CCAR1: variants seen among roughly 807,000 people sequenced by gnomAD.
CCAR1 encodes the protein cell division cycle and apoptosis regulator 1.
CCAR1 carries 78 observed loss-of-function variants against 163.8 expected under a neutral mutation model. The ratio of observed to expected loss-of-function variants is 0.48; its 90% confidence interval spans 0.40 to 0.57. The LOEUF (loss-of-function observed/expected upper bound fraction) is 0.57, where lower values mean the gene tolerates loss of function less well. Ranked by LOEUF, CCAR1 falls within the 20% of genes least tolerant of loss-of-function variation. CCAR1 has a pLI of 0.00. For synonymous variants in CCAR1, 443 were observed against 460.7 expected (o/e 0.96, Z 0.49); for missense variants, 1,019 against 1,365.2 (o/e 0.75, Z 4.00).
chr10:68,729,702 TAA>T (rs3998848), intron 2 of CCAR1, among the ~76,000 whole-genome samples: 4,479 of 144,594 alleles, frequency 0.031, 83 homozygotes, highest in Admixed American at 0.068. Context: ...AACTCCGTCT[TAA>T]AAAAAAAAAA....
At chr10:68,761,973 GT>G (rs1257262003) in intron 16 of CCAR1, among the ~76,000 whole-genome samples, 2 of 152,130 alleles carry the variant, frequency 1.3e-5, no homozygotes, top group African/African-American at 2.4e-5. Flanking sequence ...AGTTCTGTGA[GT>G]TTTTACAAAT....
In CCAR1 at chr10:68,761,205, T is replaced by G. The variant is rs2056465551; in HGVS notation, c.2106+13T>G. The G allele has an allele frequency of 1.3e-6, 2 of 1,521,902 alleles. No individual in the cohort carries two copies. Among genetic ancestry groups the G allele is most frequent in the African/African-American group, 2.8e-5 (2 of 71,606 alleles). 94.3% of individuals were successfully genotyped at this position (1,521,902 alleles called of 1,614,324 possible). A position where few individuals can be genotyped will look rare whatever the true frequency, so the allele number is the denominator to read the frequency against. On this transcript the variant is annotated intron_variant, in intron 16 of 24. Coordinates refer to ENST00000265872, the MANE Select transcript of CCAR1 (RefSeq NM_018237.4). The stretch of plus-strand genomic sequence containing the variant: ...AGACGATAAAGAGGTATGTACTCAA[T>G]CTATTATTATACTCTATGGTATTAA...
At position 68,771,409 on chromosome 10, in the gene CCAR1, T is replaced by A. The variant is rs1564547651; in HGVS notation, c.2502T>A (p.Asp834Glu). The change falls in exon 18 of 25, where the codon GAT (aspartate) becomes GAA (glutamate). Residue 834 changes from aspartate to glutamate, a missense_variant. This residue lies in a region of CCAR1 where 358 missense variants were observed against 406.4 expected (regional missense o/e 0.88). Coordinates refer to ENST00000265872, the MANE Select transcript of CCAR1 (RefSeq NM_018237.4). ...EPKPKRRKSG[D>E]DKDKKEDRDE... ...AACCCAAACGGAGAAAATCAGGCGA[T>A]GATAAAGATAAAAAAGAAGATAGAG... 6.3e-7 allele frequency: 1 copy of A among 1,585,228 alleles called. No individual in the cohort carries two copies. The highest frequency in any genetic ancestry group is 1.2e-5 in the South Asian group (1 of 84,800).
chr10:68,748,646 C>T (rs961332563), intron 8 of CCAR1, among the ~76,000 whole-genome samples: 6 of 151,756 alleles, frequency 4.0e-5, no homozygotes, highest in South Asian at 2.1e-4. Context: ...CGCGCCACCC[C>T]GCCAGCCTAA....
chr10:68,781,891 G>C (rs1249358293), intron 19 of CCAR1, among the ~76,000 whole-genome samples: 2 of 152,040 alleles, frequency 1.3e-5, no homozygotes, highest in Non-Finnish European at 2.9e-5. Context: ...ACCCAAAATG[G>C]CCTTGGAGTG....
rs368132401 is a variant in CCAR1, at chr10:68,742,187, A to T, written c.325-189A>T. Among the ~76,000 whole-genome samples the T allele has an allele frequency of 2.2e-4, 34 of 152,346 alleles. 1 individual carries two copies. Among genetic ancestry groups the T allele is most frequent in the Middle Eastern group, 3.4e-3 (1 of 294 alleles). On this transcript the variant is annotated intron_variant, in intron 5 of 24. Transcript: ENST00000265872. ...TTGTATTAGTAAGAACACTCATCTA[A>T]GGGATCTTGATGAAATAGGCTAAAA...
At chr10:68,764,656 C>G (rs2056515308) in intron 16 of CCAR1, among the ~76,000 whole-genome samples, 1 of 152,146 alleles carries the variant, frequency 6.6e-6, no homozygotes, top group Non-Finnish European at 1.5e-5. Context: ...ATTCTCCTTT[C>G]CCACGGCCAC....
At chr10:68,755,868 T>C (rs947132504) in intron 13 of CCAR1, among the ~76,000 whole-genome samples, 1 of 152,256 alleles carries the variant, frequency 6.6e-6, no homozygotes, top group African/African-American at 2.4e-5. Flanking sequence ...AATTCTTTTG[T>C]TATAAAATGA....
chr10:68,766,883 A>G (rs2056542414), intron 17 of CCAR1, among the ~76,000 whole-genome samples: 3 of 151,922 alleles, frequency 2.0e-5, no homozygotes, highest in Admixed American at 2.0e-4. Context: ...GTTGTAGTCT[A>G]CTTCTTGGGA....
At chr10:68,789,977 A>C (rs2056835757) in intron 24 of CCAR1, 62 bp downstream of exon 24, 3 of 992,172 alleles carry the variant, frequency 3.0e-6, no homozygotes. Flanking sequence ...GGTGTTTTTA[A>C]TGTATTTTAA....
chr10:68,787,318 T>A (rs2056806340), intron 21 of CCAR1, among the ~76,000 whole-genome samples: 2 of 151,980 alleles, frequency 1.3e-5, no homozygotes, highest in African/African-American at 4.8e-5. Context: ...AATAGAGACC[T>A]GCCTCATTCT....
rs192136308 is a variant in CCAR1 at position 68,738,283 on chromosome 10, G to A, written c.291+394G>A. On this transcript the variant is annotated intron_variant, in intron 4 of 24. Coordinates refer to ENST00000265872, the MANE Select transcript of CCAR1 (RefSeq NM_018237.4). ...TACAAAATTAGCCGGGTGTGGTGGC[G>A]CAGGCCTGTAATCCCAGCTACGTGG... Among the ~76,000 whole-genome samples, 488 of 152,122 alleles carry A rather than the reference G, an allele frequency of 3.2e-3. 3 individuals carry two copies. The highest frequency in any genetic ancestry group is 9.6e-3 in the African/African-American group (397 of 41,508).
intron 15 of CCAR1, among the ~76,000 whole-genome samples, chr10:68,759,639 A>G (rs2056443460): frequency 6.6e-6 from 1 of 151,830 alleles, no homozygotes; most frequent in African/African-American, 2.4e-5. Context: ...TGGGAGGATC[A>G]CTTGAACTTG....
intron 4 of CCAR1, among the ~76,000 whole-genome samples, chr10:68,739,240 C>G (rs2056152140): frequency 6.6e-6 from 1 of 152,162 alleles, no homozygotes; most frequent in Non-Finnish European, 1.5e-5. Context: ...ACCTCTGCCT[C>G]CCAGATTCAA....
Position 68,756,141 on chromosome 10 carries a change from A to G in CCAR1, c.1626-132A>G. ...CCAAAAGAGGAACTATGGCTTCTAT[A>G]ATTTTTTTTTCTTTAGACCAACCTC... On this transcript the variant is annotated intron_variant, in intron 13 of 24. Coordinates refer to ENST00000265872, the MANE Select transcript of CCAR1 (RefSeq NM_018237.4). The surrounding 1 kb of genome is among the most constrained non-coding windows in gnomAD (Gnocchi z 5.1). The G allele has an allele frequency of 1.6e-6, 1 of 630,266 alleles. No individual in the cohort carries two copies. The highest frequency in any genetic ancestry group is 4.4e-4 in the Middle Eastern group (1 of 2,290). The allele number at this position is 630,266 out of a possible 1,614,324, so 39.0% of individuals were successfully genotyped here.
rs2055937671 is a variant in CCAR1, at chr10:68,725,937, G to GA, written c.73+3363dup. Among the ~76,000 whole-genome samples, 4 of 151,924 alleles carry GA rather than the reference G, an allele frequency of 2.6e-5. 1 individual carries two copies. In the South Asian group the frequency reaches 8.3e-4, roughly 31 times the overall value. On this transcript the variant is annotated intron_variant, in intron 2 of 24. Transcript: ENST00000265872. ...CCAAGACCAGCCTGGGCAATATAACGAAACCCCATCTGCAGAAACTCAAAA... is the reference window on the plus strand; with the variant it reads ...CCAAGACCAGCCTGGGCAATATAACGAAAACCCCATCTGCAGAAACTCAAAA...
At chr10:68,769,166 A>G (rs1035453426) in intron 17 of CCAR1, among the ~76,000 whole-genome samples, 1 of 152,122 alleles carries the variant, frequency 6.6e-6, no homozygotes, top group African/African-American at 2.4e-5. Flanking sequence ...TAGTAAAGAC[A>G]AGTTTCACCA....
rs1382773606 is a variant in CCAR1, at chr10:68,756,331, G to A, written c.1684G>A (p.Val562Ile). 1 of 1,614,114 alleles carries A rather than the reference G, an allele frequency of 6.2e-7. No individual in the cohort carries two copies. Residue 562 changes from valine (V) to isoleucine (I), a missense_variant, in exon 14 of 25, where the codon GTT (valine) becomes ATT (isoleucine). Transcript: ENST00000265872. This position sits in a 1 kb window ranked among gnomAD's most constrained non-coding sequence, Gnocchi z 5.1. ...TGAGGAGACCCACAAGGGGCGTACA[G>A]TTCCAGCTCATGTGGAGACAGTGGT... ...RPEETHKGRTVPAHVETVVLF... is the reference protein window; with the variant it reads ...RPEETHKGRTIPAHVETVVLF...
intron 10 of CCAR1, among the ~76,000 whole-genome samples, chr10:68,751,737 G>A (rs542474817): frequency 5.3e-5 from 8 of 151,584 alleles, no homozygotes; most frequent in South Asian, 4.2e-4. Flanking sequence ...GGTAGTGTGC[G>A]CCTGTAATCC....
Sources: gnomAD v4.1 joint callset for allele counts (sites outside exome capture counted in the v4.1 genomes callset) on GRCh38, gnomAD v4.1.1 for gene constraint, gnomAD v4.1.1 regional missense constraint, Gnocchi (gnomAD v3.1) non-coding constraint, MANE v1.5 for transcripts, NCBI Gene and HGNC (gene_info 2026-07-23, HGNC 2026-07-21) for gene names.